Variants in RCC1 observed in about 807,000 individuals in gnomAD.
The protein encoded by RCC1 is regulator of chromosome condensation 1, also known as regulator of chromosome condensation.
In RCC1, 11 loss-of-function variants were observed where a neutral mutation model predicts 44.4. The ratio of observed to expected loss-of-function variants is 0.25; its 90% confidence interval spans 0.16 to 0.41. The LOEUF is 0.41. Among genes scored for constraint, RCC1 ranks in the 10% least tolerant of loss-of-function variants. The probability of loss-of-function intolerance (pLI) is 1.00; values close to 1 mark genes in which losing one functional copy is unlikely to be tolerated. For missense variants in RCC1, 386 were observed against 547.1 expected (o/e 0.71, Z 2.94); for synonymous variants, 213 against 216.5 (o/e 0.98, Z 0.14).
intron 4 of RCC1, chr1:28,526,839 G>C: frequency 1.7e-6 from 1 of 605,642 alleles, no homozygotes; most frequent in Non-Finnish European, 3.0e-6. Context: ...GGAGGTTGCA[G>C]TGAGCCGAGA....
intron 9 of RCC1, 66 bp downstream of exon 9, chr1:28,535,446 C>G (rs2795319): frequency 6.2e-7 from 1 of 1,600,782 alleles, no homozygotes; most frequent in Non-Finnish European, 8.5e-7. Flanking sequence ...AGGCCAAAGG[C>G]AGGAAGGATT....
Position 28,536,926 on chromosome 1 carries a change from T to A in RCC1, c.1090+27T>A. Reference sequence around the variant, plus strand: ...TGAGTGGGGCTGCCTACACTCTGTCTAGTTGGGACCTGGGGGTCATGGTTC... The same window carrying A: ...TGAGTGGGGCTGCCTACACTCTGTCAAGTTGGGACCTGGGGGTCATGGTTC... On this transcript the variant is annotated intron_variant, in intron 12 of 12. Transcript: ENST00000683442. This position sits in a 1 kb window ranked among gnomAD's most constrained non-coding sequence, Gnocchi z 4.9. The A allele has an allele frequency of 3.1e-6, 5 of 1,612,760 alleles. No individual in the cohort carries two copies. The highest frequency in any genetic ancestry group is 3.4e-6 in the Non-Finnish European group (4 of 1,179,324).
chr1:28,519,816 A>T (rs967164458), intron 4 of RCC1, among the ~76,000 whole-genome samples: 5 of 149,990 alleles, frequency 3.3e-5, no homozygotes, highest in Non-Finnish European at 1.5e-5. Context: ...CAGGTGATCC[A>T]CCTGCCTCAG....
In RCC1 at chr1:28,508,851, C is replaced by T. The variant is rs188852909; in HGVS notation, c.-207C>T. On this transcript the variant is annotated 5_prime_UTR_variant, in exon 3 of 13. Transcript: ENST00000683442. ...TTAGGAGAGAAGACGATCTGCACTT[C>T]GCATTTTGGCATTGACATTTAATTT... 1.4e-5 allele frequency: 7 copies of T among 517,186 alleles called. No homozygotes were observed. Among genetic ancestry groups the T allele is most frequent in the Admixed American group, 5.9e-5 (3 of 51,170 alleles). 32.0% of individuals were successfully genotyped at this position (517,186 alleles called of 1,614,324 possible).
intron 4 of RCC1, among the ~76,000 whole-genome samples, chr1:28,524,686 T>C (rs1019400862): frequency 2.6e-5 from 4 of 152,040 alleles, no homozygotes; most frequent in African/African-American, 7.2e-5. Flanking sequence ...GGCAAGACGT[T>C]GTTTCTGCAA....
chr1:28,524,469 A>G (rs1663514100), intron 4 of RCC1, among the ~76,000 whole-genome samples: 1 of 152,162 alleles, frequency 6.6e-6, no homozygotes, highest in African/African-American at 2.4e-5. Flanking sequence ...TGAGGTGGGA[A>G]GATCGCTTGA....
intron 3 of RCC1, among the ~76,000 whole-genome samples, chr1:28,513,585 CTTTT>C (rs563107845): frequency 6.8e-6 from 1 of 146,638 alleles, no homozygotes; most frequent in South Asian, 2.2e-4. Flanking sequence ...AGGCTATTTA[CTTTT>C]TTTTTTTAAG....
At chr1:28,535,444 G>T in intron 9 of RCC1, 64 bp downstream of exon 9, 1 of 1,602,504 alleles carries the variant, frequency 6.2e-7, no homozygotes. Context: ...GAAGGCCAAA[G>T]GCAGGAAGGA....
chr1:28,509,239 CTGCT>C (rs1662306381), intron 3 of RCC1: 2 of 244,718 alleles, frequency 8.2e-6, no homozygotes, highest in Non-Finnish European at 1.6e-5. Flanking sequence ...AGAAGTGACT[CTGCT>C]TGGCCAGAAG....
chr1:28,528,737 T>C (rs1378938331), intron 4 of RCC1, among the ~76,000 whole-genome samples: 4 of 152,010 alleles, frequency 2.6e-5, no homozygotes, highest in African/African-American at 4.8e-5. Context: ...GAGGTTACCA[T>C]TGTTAATATG....
intron 3 of RCC1, among the ~76,000 whole-genome samples, chr1:28,514,742 CAA>C (rs568259044): frequency 1.3e-3 from 196 of 150,450 alleles, no homozygotes; most frequent in African/African-American, 4.7e-3. Context: ...GCCTGGGCAA[CAA>C]GAGCAAAACT....
At position 28,506,666 on chromosome 1, in the gene RCC1, G is replaced by T. The variant is rs971607289; in HGVS notation, c.-262+582G>T. 6 of 169,804 alleles carry T rather than the reference G, an allele frequency of 3.5e-5. No individual in the cohort carries two copies. The East Asian group carries it at 1.1e-3, about 30-fold the overall frequency. 10.5% of individuals were successfully genotyped at this position (169,804 alleles called of 1,614,324 possible). On this transcript the variant is annotated intron_variant, in intron 1 of 12. Coordinates refer to ENST00000683442, the MANE Select transcript of RCC1 (RefSeq NM_001381865.2). Reference sequence around the variant, plus strand: ...CGCCACCCCCACTGTTTATCTTACTGCCTCATAGTAGGCACATTGTCGTTC... The same window carrying T: ...CGCCACCCCCACTGTTTATCTTACTTCCTCATAGTAGGCACATTGTCGTTC...
chr1:28,507,329 T>C (rs1459646797), intron 1 of RCC1: 2 of 515,776 alleles, frequency 3.9e-6, no homozygotes, highest in Admixed American at 3.9e-5. Flanking sequence ...AATTGTTTCC[T>C]ATTGGATTCT....
chr1:28,527,207 AC>A, intron 4 of RCC1: 1 of 925,556 alleles, frequency 1.1e-6, no homozygotes, highest in Non-Finnish European at 1.7e-6. Context: ...GCTCAGAGTA[AC>A]CTTCCCACAG....
intron 5 of RCC1, chr1:28,530,531 G>T: frequency 6.2e-7 from 1 of 1,603,618 alleles, no homozygotes. Context: ...AGACACGAGG[G>T]CCGCTGCCTC....
chr1:28,529,495 A>G (rs1464551991), intron 4 of RCC1, among the ~76,000 whole-genome samples: 1 of 151,796 alleles, frequency 6.6e-6, no homozygotes, highest in East Asian at 1.9e-4. Flanking sequence ...TCTGTTTTTC[A>G]TTCTGCTTGT....
At chr1:28,535,535 C>T (rs1207958394) in intron 9 of RCC1, 155 bp downstream of exon 9, 11 of 1,150,422 alleles carry the variant, frequency 9.6e-6, no homozygotes, top group Middle Eastern at 3.8e-4. Context: ...GTAGTTTTGC[C>T]ACCTACTGTC....
intron 4 of RCC1, among the ~76,000 whole-genome samples, chr1:28,524,242 C>T (rs1427581638): frequency 2.0e-5 from 3 of 152,202 alleles, no homozygotes; most frequent in African/African-American, 7.2e-5. Context: ...CTTCACGTCT[C>T]TTCTCTCCTG....
intron 7 of RCC1, among the ~76,000 whole-genome samples, chr1:28,533,762 C>G (rs1467340390): frequency 1.5e-5 from 1 of 67,686 alleles, no homozygotes; most frequent in Non-Finnish European, 2.5e-5. Context: ...AAGAGCGAAA[C>G]TCTGTCTCAA....
Sources: allele counts gnomAD v4.1 joint callset (sites outside exome capture counted in the v4.1 genomes callset), GRCh38; gene constraint gnomAD v4.1.1; non-coding constraint Gnocchi (gnomAD v3.1); transcripts MANE v1.5; gene names NCBI Gene and HGNC (gene_info 2026-07-23, HGNC 2026-07-21).